STPG2: variants seen among roughly 807,000 people sequenced by gnomAD.
The protein encoded by STPG2 is sperm-tail PG-rich repeat-containing protein 2.
A neutral mutation model predicts 54.2 loss-of-function variants in STPG2; 56 were observed. The observed-to-expected ratio is 1.03, with a 90% CI of 0.83 to 1.29. The LOEUF (loss-of-function observed/expected upper bound fraction) is 1.29, where lower values mean the gene tolerates loss of function less well. Among genes scored for constraint, STPG2 ranks in the 50% most tolerant of loss-of-function variants. The pLI is 0.00. For missense variants in STPG2, 596 were observed against 544.9 expected, an observed-to-expected ratio of 1.09 and a Z score of -0.93; for synonymous variants, 200 against 181.8, an observed-to-expected ratio of 1.10 and a Z score of -0.81.
At chr4:97,529,597 G>C (rs544346792) in intron 4 of STPG2, among the ~76,000 whole-genome samples, 6 of 152,264 alleles carry the variant, frequency 3.9e-5, no homozygotes, top group African/African-American at 1.4e-4. Flanking sequence ...ATTCGGCTAT[G>C]AATCCATCTG....
In STPG2 at chr4:97,823,808, C is replaced by T. The variant is rs1482957515; in HGVS notation, c.1204+16965G>A. ...CCCAGGTAAAAGATGGGACTGGATC[C>T]GAGGCCCAACCTAGGAAATTTAGAG... On this transcript the variant is annotated intron_variant, in intron 9 of 10. Transcript: ENST00000295268. Among the ~76,000 whole-genome samples the T allele has an allele frequency of 3.9e-5, 6 of 152,038 alleles. No homozygotes were observed. In the South Asian group the frequency reaches 6.2e-4, roughly 16 times the overall value.
intron 3 of STPG2, among the ~76,000 whole-genome samples, chr4:98,123,078 C>A (rs1304099703): frequency 6.6e-6 from 1 of 151,410 alleles, no homozygotes; most frequent in African/African-American, 2.4e-5. Context: ...CTATTTGATT[C>A]TTCTCTCTTT....
chr4:97,993,218 GT>G (rs1189674707), intron 5 of STPG2, among the ~76,000 whole-genome samples: 1 of 152,086 alleles, frequency 6.6e-6, no homozygotes, highest in Admixed American at 6.6e-5. Flanking sequence ...TTGCCTGTGG[GT>G]TTATCATAGA....
At chr4:97,483,535 A>G (rs1730276510) in intron 4 of STPG2, among the ~76,000 whole-genome samples, 1 of 151,744 alleles carries the variant, frequency 6.6e-6, no homozygotes, top group African/African-American at 2.4e-5. Context: ...ATAATCCTAA[A>G]CATATATGCA....
At chr4:97,906,753 C>G (rs1731442545) in intron 8 of STPG2, among the ~76,000 whole-genome samples, 1 of 151,830 alleles carries the variant, frequency 6.6e-6, no homozygotes, top group South Asian at 2.1e-4. Flanking sequence ...TAAACAGAGC[C>G]AAAGACAAAA....
intron 8 of STPG2, among the ~76,000 whole-genome samples, chr4:97,932,149 G>C (rs1164917864): frequency 6.6e-6 from 1 of 152,030 alleles, no homozygotes; most frequent in African/African-American, 2.4e-5. Flanking sequence ...CATAAGTCTA[G>C]CTAGTGGCCT....
At chr4:97,465,990 T>C (rs58255728) in intron 4 of STPG2, among the ~76,000 whole-genome samples, 23,027 of 152,052 alleles carry the variant, frequency 0.15, 5,046 homozygotes, top group African/African-American at 0.49. Flanking sequence ...AACTCATTTT[T>C]AGAGTTTAGG....
intron 10 of STPG2, among the ~76,000 whole-genome samples, chr4:97,595,831 C>G (rs1733274781): frequency 6.6e-6 from 1 of 152,112 alleles, no homozygotes; most frequent in Non-Finnish European, 1.5e-5. Flanking sequence ...CGTACATAGA[C>G]TATTGACACT....
chr4:97,918,529 G>GT (rs1271075279), intron 8 of STPG2, among the ~76,000 whole-genome samples: 2 of 151,500 alleles, frequency 1.3e-5, no homozygotes, highest in African/African-American at 2.4e-5. Flanking sequence ...TAAAAAACTA[G>GT]TTTTTTAATT....
At chr4:98,137,889 A>C (rs919425894) in intron 1 of STPG2, among the ~76,000 whole-genome samples, 2 of 151,964 alleles carry the variant, frequency 1.3e-5, no homozygotes, top group East Asian at 1.9e-4. Context: ...ATTATATAGA[A>C]TCTTTTGTCA....
At chr4:97,693,092 C>T (rs2148990475) in intron 10 of STPG2, among the ~76,000 whole-genome samples, 1 of 151,270 alleles carries the variant, frequency 6.6e-6, no homozygotes, top group Admixed American at 6.6e-5. Context: ...ATAGAATTTC[C>T]TTAAAGCACA....
At chr4:97,935,087 GGTGTAT>G (rs1732700268) in intron 8 of STPG2, among the ~76,000 whole-genome samples, 1 of 152,006 alleles carries the variant, frequency 6.6e-6, no homozygotes, top group Non-Finnish European at 1.5e-5. Flanking sequence ...AGTATGGTGT[GGTGTAT>G]GTGTCCAGGA....
chr4:97,768,800 C>T (rs904730282), intron 9 of STPG2, among the ~76,000 whole-genome samples: 1 of 151,970 alleles, frequency 6.6e-6, no homozygotes, highest in South Asian at 2.1e-4. Context: ...CTCCCGAGTT[C>T]GAGCAATTCC....
intron 4 of STPG2, among the ~76,000 whole-genome samples, chr4:97,482,922 C>T (rs1730260733): frequency 6.6e-6 from 1 of 151,626 alleles, no homozygotes; most frequent in African/African-American, 2.4e-5. Flanking sequence ...TCAAACAAAA[C>T]AATTATTAGC....
chr4:97,850,130 A>G (rs1729103471), intron 8 of STPG2, among the ~76,000 whole-genome samples: 1 of 150,838 alleles, frequency 6.6e-6, no homozygotes, highest in South Asian at 2.1e-4. Flanking sequence ...AGGGACATGG[A>G]TGAAATTGGA....
chr4:97,563,972 C>A lies in STPG2; in HGVS notation c.1321-4855G>T, dbSNP rs548514220. ...GGTCTGCTTGGTGCAGAGCTGAGTT[C>A]AATTCCTGGATATCCTTTTTAACTT... On this transcript the variant is annotated intron_variant, in intron 10 of 10. Transcript: ENST00000295268. Among the ~76,000 whole-genome samples the A allele has an allele frequency of 3.3e-5, 5 of 152,244 alleles. No homozygotes were observed. The South Asian group carries it at 6.2e-4, about 19-fold the overall frequency.
intron 6 of STPG2, among the ~76,000 whole-genome samples, chr4:97,975,085 A>T (rs1407385880): frequency 6.6e-6 from 1 of 152,244 alleles, no homozygotes; most frequent in East Asian, 1.9e-4. Flanking sequence ...GTAAATTTAG[A>T]AAAGATAAAA....
chr4:97,462,693 T>A (rs1287891911), intron 4 of STPG2, among the ~76,000 whole-genome samples: 2 of 152,106 alleles, frequency 1.3e-5, no homozygotes, highest in Admixed American at 1.3e-4. Context: ...TTCCAATAAT[T>A]TGTTGCTGAT....
chr4:98,061,102 A>C (rs1381440019), intron 5 of STPG2, among the ~76,000 whole-genome samples: 1 of 152,232 alleles, frequency 6.6e-6, no homozygotes, highest in African/African-American at 2.4e-5. Context: ...TCTGCACAAC[A>C]AAAGAAACTA....
Sources: allele counts gnomAD v4.1 joint callset (sites outside exome capture counted in the v4.1 genomes callset), GRCh38; gene constraint gnomAD v4.1.1; transcripts MANE v1.5; gene names NCBI Gene and HGNC (gene_info 2026-07-23, HGNC 2026-07-21).